PARP1: variants seen among roughly 807,000 people sequenced by gnomAD.
PARP1 encodes poly [ADP-ribose] polymerase 1.
A neutral mutation model predicts 118.7 loss-of-function variants in PARP1; 44 were observed. The ratio of observed to expected loss-of-function variants is 0.37; its 90% confidence interval spans 0.29 to 0.48. The LOEUF is 0.48. Ranked by LOEUF, PARP1 falls within the 20% of genes least tolerant of loss-of-function variation. The pLI, the probability that PARP1 is intolerant of heterozygous loss-of-function variation, is 0.99. For synonymous variants in PARP1, 492 were observed against 483.2 expected (o/e 1.02, Z -0.24); for missense variants, 1,100 against 1,272.4 (o/e 0.86, Z 2.06).
At chr1:226,399,252 AAT>A (rs1429897025) in intron 2 of PARP1, among the ~76,000 whole-genome samples, 10 of 151,534 alleles carry the variant, frequency 6.6e-5, no homozygotes, top group African/African-American at 2.4e-4. Flanking sequence ...TTGTATTTTT[AAT>A]AGAGACAGGG....
intron 1 of PARP1, among the ~76,000 whole-genome samples, chr1:226,404,588 A>G (rs939604792): frequency 1.3e-5 from 2 of 152,224 alleles, no homozygotes; most frequent in Non-Finnish European, 2.9e-5. Flanking sequence ...GTGCTGCCCA[A>G]TGGTGCAATC....
At chr1:226,380,643 T>C (rs1156773059) in intron 9 of PARP1, among the ~76,000 whole-genome samples, 2 of 152,194 alleles carry the variant, frequency 1.3e-5, no homozygotes, top group African/African-American at 2.4e-5. Flanking sequence ...CAGCTTCCCT[T>C]ATCCGAGATG....
chr1:226,398,377 C>CA (rs1233585322), intron 2 of PARP1, among the ~76,000 whole-genome samples: 1 of 151,966 alleles, frequency 6.6e-6, no homozygotes, highest in Non-Finnish European at 1.5e-5. Context: ...CCTGTCTCTA[C>CA]AAAAAATTTA....
Position 226,392,183 on chromosome 1 carries a change from G to GC in PARP1, c.402+15dup, listed in dbSNP as rs1297242870. On this transcript the variant is annotated intron_variant, in intron 3 of 22. Transcript: ENST00000366794. ...CAATCCATAAAGTTCAGGGATCTGG[G>GC]CCCCCAAGATCTTACCTTTTCTATC... is the stretch of plus-strand genomic sequence containing the variant. 6.7e-7 allele frequency: 1 copy of GC among 1,503,434 alleles called. No individual in the cohort carries two copies. Among genetic ancestry groups the GC allele is most frequent in the Non-Finnish European group, 9.3e-7 (1 of 1,078,886 alleles). 93.1% of individuals were successfully genotyped at this position (1,503,434 alleles called of 1,614,324 possible). A position where few individuals can be genotyped will look rare whatever the true frequency, so the allele number is the denominator to read the frequency against.
chr1:226,371,776 G>A (rs905524165), intron 14 of PARP1, among the ~76,000 whole-genome samples: 19 of 152,266 alleles, frequency 1.2e-4, no homozygotes, highest in Admixed American at 3.3e-4. Flanking sequence ...TGAAGGGCGC[G>A]ACATTTTCCA....
chr1:226,388,513 A>G, intron 5 of PARP1, 143 bp downstream of exon 5: 1 of 680,166 alleles, frequency 1.5e-6, no homozygotes, highest in Non-Finnish European at 2.7e-6. Flanking sequence ...GAATCTGGGG[A>G]AAAGCCATGC....
intron 12 of PARP1, among the ~76,000 whole-genome samples, chr1:226,378,630 T>C (rs1328962493): frequency 6.6e-6 from 1 of 152,114 alleles, no homozygotes; most frequent in African/African-American, 2.4e-5. Flanking sequence ...GGAGGATCAC[T>C]TGAGTCCAGG....
intron 2 of PARP1, chr1:226,392,868 G>A: frequency 6.6e-7 from 1 of 1,504,262 alleles, no homozygotes; most frequent in Admixed American, 2.6e-5. Flanking sequence ...ACAAAAACTG[G>A]ATTCTTCTCT....
chr1:226,372,545 C>A (rs1664409512), intron 14 of PARP1, among the ~76,000 whole-genome samples: 1 of 152,140 alleles, frequency 6.6e-6, no homozygotes, highest in Admixed American at 6.5e-5. Flanking sequence ...CACAGTCGTG[C>A]ACGCCTGTAG....
rs757945948 is a variant in PARP1, at chr1:226,379,281, C to A, written c.1613-7G>T. 3.7e-6 allele frequency: 6 copies of A among 1,614,222 alleles called. No individual in the cohort carries two copies. Among genetic ancestry groups the A allele is most frequent in the Non-Finnish European group, 5.1e-6 (6 of 1,180,028 alleles). The stretch of plus-strand genomic sequence containing the variant: ...TGCGCAGAGTGTTCCAGTCCTGTCC[C>A]AGAGGAAAAGCACCTACAGTTTTCT... On this transcript the variant is annotated splice_polypyrimidine_tract_variant and splice_region_variant and intron_variant, in intron 11 of 22. Coordinates refer to ENST00000366794, the MANE Select transcript of PARP1 (RefSeq NM_001618.4).
At chr1:226,369,813 C>T (rs548481265) in intron 15 of PARP1, among the ~76,000 whole-genome samples, 15 of 152,040 alleles carry the variant, frequency 9.9e-5, no homozygotes, top group African/African-American at 2.9e-4. Flanking sequence ...AAAAATTAGC[C>T]GGGTGTGGTG....
At chr1:226,392,877 C>G in intron 2 of PARP1, 1 of 1,536,188 alleles carries the variant, frequency 6.5e-7, no homozygotes, top group Non-Finnish European at 8.7e-7. Context: ...GGATTCTTCT[C>G]TTATTATAAA....
chr1:226,373,873 T>C (rs943157579), intron 14 of PARP1, among the ~76,000 whole-genome samples: 5 of 152,002 alleles, frequency 3.3e-5, no homozygotes, highest in African/African-American at 1.2e-4. Flanking sequence ...TTCCTAGCAT[T>C]TGGGGAGACT....
intron 22 of PARP1, 48 bp downstream of exon 22, chr1:226,361,921 C>T: frequency 8.7e-7 from 1 of 1,148,418 alleles, no homozygotes; most frequent in South Asian, 1.2e-5. Flanking sequence ...GACTCTGTAG[C>T]TCGAGAACAT....
intron 20 of PARP1, among the ~76,000 whole-genome samples, 155 bp downstream of exon 20, chr1:226,363,788 T>C (rs1558232803): frequency 6.6e-6 from 1 of 152,218 alleles, no homozygotes; most frequent in Non-Finnish European, 1.5e-5. Context: ...TTAACTTGAA[T>C]TGGATTCTGC....
chr1:226,398,474 G>C (rs185332760), intron 2 of PARP1, among the ~76,000 whole-genome samples: 1 of 149,364 alleles, frequency 6.7e-6, no homozygotes, highest in Non-Finnish European at 1.5e-5. Flanking sequence ...AGGCTGCAGC[G>C]AACTGTGATC....
intron 7 of PARP1, among the ~76,000 whole-genome samples, chr1:226,383,967 AAG>A (rs1664669703): frequency 6.6e-6 from 1 of 152,240 alleles, no homozygotes. Flanking sequence ...TCTGGTTAAA[AAG>A]ACAGTTTCTG....
intron 1 of PARP1, among the ~76,000 whole-genome samples, chr1:226,405,895 C>T (rs192050528): frequency 2.0e-3 from 298 of 152,186 alleles, no homozygotes; most frequent in Non-Finnish European, 2.7e-3. Context: ...GTGCATGGAT[C>T]GCTTGAGCTC....
At position 226,361,154 on chromosome 1, in the gene PARP1, G is replaced by GT. The variant is rs1664127285; in HGVS notation, c.*305dup. 1.4e-5 allele frequency: 6 copies of GT among 428,664 alleles called. No individual in the cohort carries two copies. The highest frequency in any genetic ancestry group is 2.5e-5 in the Non-Finnish European group (6 of 235,826). The allele number at this position is 428,664 out of a possible 1,614,324, so 26.6% of individuals were successfully genotyped here. ...AAGGCAGACATTCTAACGAAGCTTGGTTTTTTCCATAGGACTAGTCTATGC... is the reference window on the plus strand; with the variant it reads ...AAGGCAGACATTCTAACGAAGCTTGGTTTTTTTCCATAGGACTAGTCTATGC... On this transcript the variant is annotated 3_prime_UTR_variant, in exon 23 of 23. Transcript: ENST00000366794.
Sources: allele counts gnomAD v4.1 joint callset (sites outside exome capture counted in the v4.1 genomes callset), GRCh38; gene constraint gnomAD v4.1.1; transcripts MANE v1.5; gene names NCBI Gene and HGNC (gene_info 2026-07-23, HGNC 2026-07-21).